Variants in DCC observed in about 807,000 individuals in gnomAD.
DCC encodes netrin receptor DCC.
In DCC, 58 loss-of-function variants were observed where a neutral mutation model predicts 172.5. The ratio of observed to expected loss-of-function variants is 0.34; its 90% CI spans 0.27 to 0.42. DCC has a LOEUF of 0.42. Ranked by LOEUF, DCC falls within the 10% of genes least tolerant of loss-of-function variation. DCC has a pLI of 1.00. For synonymous variants in DCC, 709 were observed against 644.5 expected, an observed-to-expected ratio of 1.10 and a Z score of -1.52; for missense variants, 1,740 against 1,791.0, an observed-to-expected ratio of 0.97 and a Z score of 0.51.
At chr18:52,839,822 A>G (rs2038773003) in intron 2 of DCC, among the ~76,000 whole-genome samples, 1 of 152,244 alleles carries the variant, frequency 6.6e-6, no homozygotes, top group South Asian at 2.1e-4. Flanking sequence ...AAAATAAAAT[A>G]GGTAGACAAA....
At chr18:52,907,393 A>G (rs973362617) in intron 3 of DCC, among the ~76,000 whole-genome samples, 2 of 147,142 alleles carry the variant, frequency 1.4e-5, no homozygotes, top group African/African-American at 5.3e-5. Flanking sequence ...GATATATGTC[A>G]TGTATATATA....
intron 1 of DCC, among the ~76,000 whole-genome samples, chr18:52,708,420 C>T (rs2036244200): frequency 7.3e-6 from 1 of 136,698 alleles, no homozygotes; most frequent in Admixed American, 7.9e-5. Flanking sequence ...CCAGCCTGGG[C>T]AATAGAGCGA....
At chr18:53,116,973 A>G (rs1167445658) in intron 7 of DCC, among the ~76,000 whole-genome samples, 2 of 151,714 alleles carry the variant, frequency 1.3e-5, no homozygotes, top group Non-Finnish European at 3.0e-5. Flanking sequence ...CCAGCCCATC[A>G]AGTGAACTTT....
chr18:53,313,751 T>A (rs1300301547), intron 13 of DCC, among the ~76,000 whole-genome samples: 1 of 152,222 alleles, frequency 6.6e-6, no homozygotes, highest in Non-Finnish European at 1.5e-5. Flanking sequence ...CTAATGTCTC[T>A]CTTGGGTTCT....
chr18:52,701,395 A>C (rs2036120453), intron 1 of DCC, among the ~76,000 whole-genome samples: 1 of 152,210 alleles, frequency 6.6e-6, no homozygotes, highest in Non-Finnish European at 1.5e-5. Context: ...GACAACTATC[A>C]GTACACAGAA....
chr18:53,141,223 TGTTA>T (rs1598842874), intron 7 of DCC, among the ~76,000 whole-genome samples: 1 of 152,288 alleles, frequency 6.6e-6, no homozygotes. Flanking sequence ...GTTTCCTGTT[TGTTA>T]AAGGGCTAAA....
intron 15 of DCC, among the ~76,000 whole-genome samples, chr18:53,375,086 G>A (rs2144966417): frequency 6.6e-6 from 1 of 152,204 alleles, no homozygotes; most frequent in East Asian, 1.9e-4. Context: ...TCCTGAATGG[G>A]GACAATCACT....
At chr18:53,517,872 C>G (rs1036581056) in intron 27 of DCC, among the ~76,000 whole-genome samples, 1 of 152,150 alleles carries the variant, frequency 6.6e-6, no homozygotes, top group East Asian at 1.9e-4. Flanking sequence ...GTTTGAAATT[C>G]GATCACTTAT....
chr18:52,418,272 G>C (rs146444489), intron 1 of DCC, among the ~76,000 whole-genome samples: 1 of 152,134 alleles, frequency 6.6e-6, no homozygotes, highest in Non-Finnish European at 1.5e-5. Flanking sequence ...GGTGTATCTT[G>C]AGAATGTAGC....
chr18:52,589,194 G>T (rs2033744209), intron 1 of DCC, among the ~76,000 whole-genome samples: 1 of 152,052 alleles, frequency 6.6e-6, no homozygotes, highest in Non-Finnish European at 1.5e-5. Context: ...GGATCTGGGG[G>T]GTCAGTGAGA....
intron 5 of DCC, among the ~76,000 whole-genome samples, chr18:53,035,160 C>CTG (rs56806063): frequency 0.55 from 82,072 of 148,878 alleles, 23,033 homozygotes; most frequent in African/African-American, 0.6. Flanking sequence ...AAACATTTAT[C>CTG]TGTGTGTGTG....
intron 12 of DCC, among the ~76,000 whole-genome samples, chr18:53,300,783 T>A (rs1054227131): frequency 1.3e-5 from 2 of 151,708 alleles, no homozygotes; most frequent in African/African-American, 4.9e-5. Flanking sequence ...TTAGATTATA[T>A]TTTTTTTCTT....
At chr18:53,320,896 G>A (rs1291476470) in intron 13 of DCC, among the ~76,000 whole-genome samples, 2 of 152,118 alleles carry the variant, frequency 1.3e-5, no homozygotes, top group Admixed American at 6.6e-5. Context: ...TATAAAATTA[G>A]AAGCTTCTTT....
intron 12 of DCC, among the ~76,000 whole-genome samples, chr18:53,243,170 G>A (rs1025575383): frequency 6.6e-6 from 1 of 152,148 alleles, no homozygotes; most frequent in African/African-American, 2.4e-5. Context: ...GGAAGGAAAT[G>A]TCGCTTGAGC....
At chr18:52,765,424 C>T (rs1054824664) in intron 2 of DCC, among the ~76,000 whole-genome samples, 5 of 152,118 alleles carry the variant, frequency 3.3e-5, no homozygotes, top group African/African-American at 4.8e-5. Flanking sequence ...TCTGGTGCCA[C>T]GGCTTTGCAC....
chr18:53,168,459 A>G (rs533678874), intron 8 of DCC, among the ~76,000 whole-genome samples: 4 of 151,912 alleles, frequency 2.6e-5, no homozygotes, highest in Admixed American at 2.0e-4. Context: ...GCAAACTAAT[A>G]CAAGAACAGA....
rs2055981632 is a variant in DCC, at chr18:53,223,907, T to C, written c.1911+8310T>C. ...TGGCAGTAACCTTTCCCAAAGGTAT[T>C]TTGTGCCTGGCAATGTGCTAAGCAA... On this transcript the variant is annotated intron_variant, in intron 12 of 28. Transcript: ENST00000442544. 2.0e-5 allele frequency among the ~76,000 whole-genome samples: 3 copies of C among 152,174 alleles called. No homozygotes were observed. In the South Asian group the frequency reaches 6.2e-4, roughly 32 times the overall value.
At chr18:52,789,678 A>G (rs2037723775) in intron 2 of DCC, among the ~76,000 whole-genome samples, 1 of 152,168 alleles carries the variant, frequency 6.6e-6, no homozygotes. Flanking sequence ...AGTGGTGGTA[A>G]GCAGCTTTTG....
chr18:53,503,354 G>GGGTATTTA (rs1244968779), intron 27 of DCC, among the ~76,000 whole-genome samples: 4 of 152,038 alleles, frequency 2.6e-5, no homozygotes, highest in Non-Finnish European at 4.4e-5. Flanking sequence ...CAAGACTCTA[G>GGGTATTTA]GGTATTTATG....
Sources: gnomAD v4.1 joint callset for allele counts (sites outside exome capture counted in the v4.1 genomes callset) on GRCh38, gnomAD v4.1.1 for gene constraint, MANE v1.5 for transcripts, NCBI Gene and HGNC (gene_info 2026-07-23, HGNC 2026-07-21) for gene names.